CLDN14: variants seen among roughly 807,000 people sequenced by gnomAD.
CLDN14 encodes the protein claudin-14.
Under a neutral mutation model 2.1 loss-of-function variants are expected in CLDN14, and 2 were observed. That is an observed-to-expected ratio of 0.96 (90% CI 0.39 to 3.01). The LOEUF is 3.01. CLDN14 is among the 30% of genes most tolerant of loss of function. The probability of loss-of-function intolerance (pLI) is 0.09; values close to 1 mark genes in which losing one functional copy is unlikely to be tolerated. For synonymous variants in CLDN14, 136 were observed against 154.4 expected, an observed-to-expected ratio of 0.88 and a Z score of 0.88; for missense variants, 298 against 328.0, an observed-to-expected ratio of 0.91 and a Z score of 0.71.
intron 1 of CLDN14, among the ~76,000 whole-genome samples, chr21:36,557,404 C>T (rs944333093): frequency 6.6e-6 from 1 of 152,122 alleles, no homozygotes; most frequent in Non-Finnish European, 1.5e-5. Context: ...TTTTACATTT[C>T]CACCAAGAGT....
At chr21:36,556,570 G>A (rs1448153285) in intron 1 of CLDN14, among the ~76,000 whole-genome samples, 1 of 152,114 alleles carries the variant, frequency 6.6e-6, no homozygotes, top group African/African-American at 2.4e-5. Context: ...TTTCCTCTAC[G>A]AAGAAAACAA....
intron 1 of CLDN14, among the ~76,000 whole-genome samples, chr21:36,524,927 C>G (rs777437835): frequency 2.0e-5 from 3 of 152,172 alleles, no homozygotes; most frequent in Non-Finnish European, 4.4e-5. Flanking sequence ...AGGTACTTTC[C>G]CCTTCCACCC....
intron 1 of CLDN14, among the ~76,000 whole-genome samples, chr21:36,557,286 A>G (rs1223134970): frequency 1.3e-5 from 2 of 151,982 alleles, no homozygotes; most frequent in Non-Finnish European, 2.9e-5. Context: ...TCCTGATTGC[A>G]TTATTTTGGA....
intron 2 of CLDN14, among the ~76,000 whole-genome samples, chr21:36,491,175 T>C (rs186111586): frequency 1.1e-4 from 17 of 152,220 alleles, no homozygotes; most frequent in African/African-American, 4.1e-4. Flanking sequence ...CTAATTAGGG[T>C]CAATGTGATT....
chr21:36,521,081 G>GA (rs148132463), intron 1 of CLDN14, among the ~76,000 whole-genome samples: 7,996 of 151,390 alleles, frequency 0.053, 595 homozygotes, highest in African/African-American at 0.16. Context: ...CAGAAAGAAA[G>GA]AAAAAAAAAT....
chr21:36,500,807 G>C (rs1453883006), intron 2 of CLDN14, among the ~76,000 whole-genome samples: 1 of 152,232 alleles, frequency 6.6e-6, no homozygotes, highest in Non-Finnish European at 1.5e-5. Context: ...ACTTTCAGTA[G>C]GAAGTTGCCG....
At chr21:36,569,933 A>T (rs1305337237) in intron 1 of CLDN14, among the ~76,000 whole-genome samples, 2 of 152,210 alleles carry the variant, frequency 1.3e-5, no homozygotes, top group African/African-American at 4.8e-5. Flanking sequence ...TAGAAAGTTT[A>T]TTTTGTCAAG....
intron 2 of CLDN14, among the ~76,000 whole-genome samples, chr21:36,495,933 T>G (rs1434603837): frequency 6.6e-6 from 1 of 152,112 alleles, no homozygotes; most frequent in East Asian, 1.9e-4. Flanking sequence ...CAGGGAATGC[T>G]GGGGATGGCC....
intron 1 of CLDN14, among the ~76,000 whole-genome samples, chr21:36,574,339 T>C (rs1460074765): frequency 6.6e-6 from 1 of 152,186 alleles, no homozygotes; most frequent in Non-Finnish European, 1.5e-5. Context: ...TAGAACTAGG[T>C]ATGCCTTATT....
chr21:36,475,995 C>G (rs933604318), intron 1 of CLDN14, among the ~76,000 whole-genome samples: 1 of 152,034 alleles, frequency 6.6e-6, no homozygotes, highest in Non-Finnish European at 1.5e-5. Flanking sequence ...TTTAAAGGTC[C>G]TATTAGGAGC....
chr21:36,571,744 C>G (rs1336669012), intron 1 of CLDN14, among the ~76,000 whole-genome samples: 4 of 152,148 alleles, frequency 2.6e-5, no homozygotes, highest in Non-Finnish European at 5.9e-5. Flanking sequence ...TGGAGACAAG[C>G]CCTGCCAAAT....
intron 1 of CLDN14, among the ~76,000 whole-genome samples, chr21:36,576,009 G>A (rs192550430): frequency 6.3e-4 from 96 of 152,254 alleles, no homozygotes; most frequent in African/African-American, 2.3e-3. Context: ...TCTACTTGAA[G>A]GCAAAGTCTG....
chr21:36,494,641 T>C (rs1354495862), intron 2 of CLDN14, among the ~76,000 whole-genome samples: 1 of 152,146 alleles, frequency 6.6e-6, no homozygotes, highest in Non-Finnish European at 1.5e-5. Context: ...ATCTGACTGG[T>C]GTCCTCCCAG....
chr21:36,548,423 C>T (rs1351247990), intron 1 of CLDN14, among the ~76,000 whole-genome samples: 1 of 152,198 alleles, frequency 6.6e-6, no homozygotes, highest in Non-Finnish European at 1.5e-5. Flanking sequence ...GACCAAGAGA[C>T]CTAATGAAGA....
chr21:36,563,055 T>G (rs111790969), intron 1 of CLDN14, among the ~76,000 whole-genome samples: 3 of 151,642 alleles, frequency 2.0e-5, no homozygotes, highest in African/African-American at 4.8e-5. Context: ...GAGTCATATT[T>G]CATGAAGACC....
intron 1 of CLDN14, among the ~76,000 whole-genome samples, chr21:36,555,431 C>T (rs527882229): frequency 7.0e-4 from 107 of 152,332 alleles, no homozygotes; most frequent in Non-Finnish European, 7.3e-4. Context: ...GACTTATCAA[C>T]GATTTAGTCT....
At chr21:36,574,580 G>A (rs1334131308) in intron 1 of CLDN14, among the ~76,000 whole-genome samples, 1 of 152,194 alleles carries the variant, frequency 6.6e-6, no homozygotes, top group African/African-American at 2.4e-5. Flanking sequence ...AAGGGCTCAA[G>A]GGAACTTTCT....
At chr21:36,481,491 C>T (rs1343404429), upstream of CLDN14, among the ~76,000 whole-genome samples, 1 of 152,180 alleles carries the variant, frequency 6.6e-6, no homozygotes, top group Admixed American at 6.5e-5. Context: ...TAGTTTACAA[C>T]TGGCTTTGAT....
intron 1 of CLDN14, among the ~76,000 whole-genome samples, chr21:36,474,864 G>C (rs929272533): frequency 2.6e-5 from 4 of 152,214 alleles, no homozygotes; most frequent in Non-Finnish European, 4.4e-5. Flanking sequence ...CAGAACGGGA[G>C]GGGAGGCGGG....
Sources: allele counts gnomAD v4.1 joint callset (sites outside exome capture counted in the v4.1 genomes callset), GRCh38; gene constraint gnomAD v4.1.1; transcripts MANE v1.5; gene names NCBI Gene and HGNC (gene_info 2026-07-23, HGNC 2026-07-21).